LRBA: variants seen among roughly 807,000 people sequenced by gnomAD.
LRBA encodes the protein lipopolysaccharide-responsive and beige-like anchor protein.
LRBA carries 176 observed loss-of-function variants against 330.0 expected under a neutral mutation model. The observed-to-expected ratio is 0.53, with a 90% CI of 0.47 to 0.60. LRBA has a LOEUF of 0.60. Among genes scored for constraint, LRBA ranks in the 20% least tolerant of loss-of-function variants. The pLI, the probability that LRBA is intolerant of heterozygous loss-of-function variation, is 0.00. For synonymous variants in LRBA, 1,230 were observed against 1,193.0 expected, an observed-to-expected ratio of 1.03 and a Z score of -0.64; for missense variants, 3,259 against 3,444.8, an observed-to-expected ratio of 0.95 and a Z score of 1.35.
chr4:150,896,616 A>C (rs1730114831), intron 15 of LRBA, among the ~76,000 whole-genome samples, 160 bp from the exon 16 acceptor site: 2 of 152,148 alleles, frequency 1.3e-5, no homozygotes, highest in Non-Finnish European at 2.9e-5. Flanking sequence ...GAAGCACTAA[A>C]GACATCAGTA....
rs1029962655 is a variant in LRBA at position 150,434,203 on chromosome 4, A to G, written c.7041+1386T>C. Among the ~76,000 whole-genome samples, 3 of 152,250 alleles carry G rather than the reference A, an allele frequency of 2.0e-5. No homozygotes were observed. The East Asian group carries it at 5.8e-4, about 29-fold the overall frequency. Reference sequence around the variant, plus strand: ...TCTATGGAACTATAAGGAACTTCAAAACCATAGGGATATCTCATTATACTT... The same window carrying G: ...TCTATGGAACTATAAGGAACTTCAAGACCATAGGGATATCTCATTATACTT... On this transcript the variant is annotated intron_variant, in intron 46 of 56. Coordinates refer to ENST00000651943, the MANE Select transcript of LRBA (RefSeq NM_001364905.1).
At chr4:150,350,900 A>G (rs1737059048) in intron 47 of LRBA, among the ~76,000 whole-genome samples, 1 of 152,218 alleles carries the variant, frequency 6.6e-6, no homozygotes, top group Non-Finnish European at 1.5e-5. Flanking sequence ...GAATTAAAAT[A>G]TTTTGTAGTC....
intron 43 of LRBA, among the ~76,000 whole-genome samples, chr4:150,468,293 T>C (rs1755679714): frequency 1.3e-5 from 2 of 152,024 alleles, no homozygotes; most frequent in Admixed American, 6.6e-5. Flanking sequence ...AATGAGGGCA[T>C]TGCACTAAAT....
At chr4:150,895,750 G>C (rs1730004735) in intron 16 of LRBA, among the ~76,000 whole-genome samples, 1 of 152,196 alleles carries the variant, frequency 6.6e-6, no homozygotes, top group Non-Finnish European at 1.5e-5. Context: ...ACATACGTGT[G>C]CATGTGTCTT....
chr4:150,454,631 T>G (rs1300225384), intron 44 of LRBA, among the ~76,000 whole-genome samples: 1 of 152,088 alleles, frequency 6.6e-6, no homozygotes, highest in Non-Finnish European at 1.5e-5. Context: ...AAGTAGCTTT[T>G]GGTTAAGTGG....
intron 2 of LRBA, among the ~76,000 whole-genome samples, chr4:150,952,254 ATGTG>A (rs5862943): frequency 4.0e-5 from 6 of 150,358 alleles, no homozygotes; most frequent in African/African-American, 9.7e-5. Context: ...CCTGTTGTAT[ATGTG>A]TGTGTGTGTG....
rs753950457 is a variant in LRBA at position 150,828,922 on chromosome 4, G to GGTGTGTGT, written c.4730-309_4730-302dup. ...GAAAAAGTCTATAATCTTTTTTGGGGGTGTGTGTGTGTGTGTGTGTGTGTG... is the reference window on the plus strand; with the variant it reads ...GAAAAAGTCTATAATCTTTTTTGGGGGTGTGTGTGTGTGTGTGTGTGTGTGTGTGTGTG... On this transcript the variant is annotated intron_variant, in intron 29 of 56. Coordinates refer to ENST00000651943, the MANE Select transcript of LRBA (RefSeq NM_001364905.1). 2.7e-3 allele frequency among the ~76,000 whole-genome samples: 291 copies of GGTGTGTGT among 106,230 alleles called. 1 individual carries two copies. The highest frequency in any genetic ancestry group is 6.6e-3 in the African/African-American group (147 of 22,278). The allele number at this position is 106,230 out of a possible 152,430, so 69.7% of individuals were successfully genotyped here.
chr4:151,003,127 G>T (rs1400601771), intron 2 of LRBA, among the ~76,000 whole-genome samples: 1 of 151,424 alleles, frequency 6.6e-6, no homozygotes, highest in Non-Finnish European at 1.5e-5. Context: ...CAGGCACAGT[G>T]GCTCACACCT....
At chr4:150,989,858 T>A (rs1741876115) in intron 2 of LRBA, among the ~76,000 whole-genome samples, 1 of 151,914 alleles carries the variant, frequency 6.6e-6, no homozygotes, top group Non-Finnish European at 1.5e-5. Flanking sequence ...GCATGGTGGC[T>A]CATGCCTGTA....
chr4:150,495,031 A>T (rs1250209090), intron 40 of LRBA, among the ~76,000 whole-genome samples: 1 of 151,946 alleles, frequency 6.6e-6, no homozygotes, highest in Non-Finnish European at 1.5e-5. Flanking sequence ...GGTAAGCTCC[A>T]TGTACCTACT....
chr4:150,705,766 T>TA (rs1008562323), intron 36 of LRBA, among the ~76,000 whole-genome samples: 2 of 151,926 alleles, frequency 1.3e-5, no homozygotes, highest in Non-Finnish European at 2.9e-5. Flanking sequence ...AAAAACTCCA[T>TA]AAAAAGTACT....
intron 16 of LRBA, 87 bp downstream of exon 16, chr4:150,896,307 C>T (rs982902014): frequency 8.9e-6 from 6 of 676,482 alleles, no homozygotes; most frequent in South Asian, 1.8e-5. Context: ...TACATAATTA[C>T]TGAAGATTTC....
intron 40 of LRBA, among the ~76,000 whole-genome samples, chr4:150,576,164 T>TAA (rs33976355): frequency 0.24 from 34,461 of 142,674 alleles, 4,460 homozygotes; most frequent in East Asian, 0.36. Context: ...AACTGGTTTT[T>TAA]AAAAAAAAAA....
At chr4:150,694,374 T>C (rs1784421719) in intron 36 of LRBA, among the ~76,000 whole-genome samples, 1 of 148,042 alleles carries the variant, frequency 6.8e-6, no homozygotes. Flanking sequence ...GTGAAATCAC[T>C]TCAGGGACAA....
intron 42 of LRBA, 123 bp from the exon 43 acceptor site, chr4:150,471,862 T>C: frequency 1.6e-6 from 1 of 621,752 alleles, no homozygotes; most frequent in South Asian, 1.9e-5. Context: ...GTTAGACTAA[T>C]GAATACTAGA....
chr4:150,639,775 ATATATATG>A (rs1272519625), intron 37 of LRBA, among the ~76,000 whole-genome samples: 342 of 5,052 alleles, frequency 0.068, 30 homozygotes, highest in South Asian at 0.25. Flanking sequence ...ATATATATAT[ATATATATG>A]TGTGTGTGTA....
At chr4:150,601,006 T>C (rs1774057763) in intron 37 of LRBA, among the ~76,000 whole-genome samples, 1 of 152,220 alleles carries the variant, frequency 6.6e-6, no homozygotes, top group Non-Finnish European at 1.5e-5. Context: ...AATGAGGGTC[T>C]ATTCATCAGT....
At chr4:150,746,228 T>C (rs1482519297) in intron 35 of LRBA, among the ~76,000 whole-genome samples, 1 of 152,246 alleles carries the variant, frequency 6.6e-6, no homozygotes, top group Non-Finnish European at 1.5e-5. Context: ...GAAGTCATAC[T>C]ATAATACTTG....
At chr4:150,268,493 A>G (rs1318314845) in intron 56 of LRBA, among the ~76,000 whole-genome samples, 1 of 152,226 alleles carries the variant, frequency 6.6e-6, no homozygotes, top group Non-Finnish European at 1.5e-5. Flanking sequence ...GAACACACAG[A>G]CCAGGATACA....
Sources: allele counts gnomAD v4.1 joint callset (sites outside exome capture counted in the v4.1 genomes callset), GRCh38; gene constraint gnomAD v4.1.1; transcripts MANE v1.5; gene names NCBI Gene and HGNC (gene_info 2026-07-23, HGNC 2026-07-21).